NEBL: variants seen among roughly 807,000 people sequenced by gnomAD.
NEBL encodes the protein LIM and SH3 protein 2.
A neutral mutation model predicts 140.2 loss-of-function variants in NEBL; 122 were observed. The ratio of observed to expected loss-of-function variants is 0.87; its 90% CI spans 0.75 to 1.01. NEBL has a LOEUF of 1.01. Ranked by LOEUF, NEBL falls within the 50% of genes least tolerant of loss-of-function variation. The pLI is 0.00. For missense variants in NEBL, 1,365 were observed against 1,231.3 expected (o/e 1.11, Z -1.62); for synonymous variants, 436 against 398.9 (o/e 1.09, Z -1.11).
chr10:20,886,546 G>A lies in NEBL; in HGVS notation c.369+1551C>T, dbSNP rs185157977. On this transcript the variant is annotated intron_variant, in intron 4 of 27. Coordinates refer to ENST00000377122, the MANE Select transcript of NEBL (RefSeq NM_006393.3). ...TCCATCTTAAAAAAAGAAATTCTGG[G>A]GAAAGAAGTAAACTGCTTGCTTAAC... 2.2e-3 allele frequency among the ~76,000 whole-genome samples: 334 copies of A among 152,024 alleles called. 2 individuals carry two copies. Among genetic ancestry groups the A allele is most frequent in the Middle Eastern group, 0.01 (3 of 294 alleles).
At chr10:21,253,080 G>A (rs950997923) in intron 1 of NEBL, among the ~76,000 whole-genome samples, 3 of 152,150 alleles carry the variant, frequency 2.0e-5, no homozygotes, top group Non-Finnish European at 4.4e-5. Flanking sequence ...TGGCCAGCAT[G>A]GAGAAACCCC....
intron 3 of NEBL, among the ~76,000 whole-genome samples, chr10:21,220,909 GC>G (rs1190247696): frequency 1.3e-5 from 2 of 152,138 alleles, no homozygotes; most frequent in Non-Finnish European, 2.9e-5. Flanking sequence ...TAATCCCAGC[GC>G]TTTGGGAGGC....
chr10:21,014,360 T>C (rs1317251112), intron 3 of NEBL, among the ~76,000 whole-genome samples: 1 of 152,194 alleles, frequency 6.6e-6, no homozygotes, highest in Non-Finnish European at 1.5e-5. Context: ...GGGCCTCATC[T>C]GGTTTCACTC....
chr10:21,233,605 T>G lies in NEBL; in HGVS notation n.348+14316A>C, dbSNP rs1224869655. 3.4e-5 allele frequency among the ~76,000 whole-genome samples: 5 copies of G among 146,172 alleles called. 1 individual carries two copies. The highest frequency in any genetic ancestry group is 7.5e-5 in the Non-Finnish European group (5 of 67,000). ...ACATGTACATATTTATGTATCTATATATACATATATAGATATATATCTATA... is the reference window on the plus strand; with the variant it reads ...ACATGTACATATTTATGTATCTATAGATACATATATAGATATATATCTATA... On this transcript the variant is annotated intron_variant and non_coding_transcript_variant, in intron 3 of 8. Transcript: ENST00000675702.
intron 3 of NEBL, among the ~76,000 whole-genome samples, chr10:21,186,237 A>T (rs540389000): frequency 3.4e-4 from 51 of 149,976 alleles, no homozygotes; most frequent in African/African-American, 1.1e-3. Context: ...ATCCCTTTTT[A>T]AAAAATTTTT....
upstream of NEBL, among the ~76,000 whole-genome samples, chr10:21,177,987 G>T (rs1365154871): frequency 6.6e-6 from 1 of 152,104 alleles, no homozygotes; most frequent in Non-Finnish European, 1.5e-5. Context: ...GTTGTTCCTA[G>T]CTGACTCAAA....
intron 2 of NEBL, among the ~76,000 whole-genome samples, chr10:21,120,419 T>C (rs1450780880): frequency 7.7e-6 from 1 of 130,036 alleles, no homozygotes; most frequent in Non-Finnish European, 1.6e-5. Context: ...TATATATATA[T>C]ATATAAATTT....
intron 3 of NEBL, among the ~76,000 whole-genome samples, chr10:20,985,073 G>T (rs1363356972): frequency 6.6e-6 from 1 of 152,166 alleles, no homozygotes; most frequent in African/African-American, 2.4e-5. Context: ...GATTCTACAT[G>T]ATGCTGAGTT....
chr10:20,828,515 G>A lies in NEBL; in HGVS notation c.1776+15C>T, dbSNP rs373748632. ...ATTTCAAGGTGGCAACTTAAAAGAA[G>A]TAATGGCTACTCACCGCACTAATGT... On this transcript the variant is annotated intron_variant, in intron 17 of 27. Transcript: ENST00000377122. 1 of 1,514,512 alleles carries A rather than the reference G, an allele frequency of 6.6e-7. No homozygotes were observed. The highest frequency in any genetic ancestry group is 9.2e-7 in the Non-Finnish European group (1 of 1,090,150). The allele number at this position is 1,514,512 out of a possible 1,614,324, so 93.8% of individuals were successfully genotyped here.
At chr10:20,892,677 G>A (rs763953328) in intron 2 of NEBL, among the ~76,000 whole-genome samples, 59 of 152,116 alleles carry the variant, frequency 3.9e-4, no homozygotes, top group Non-Finnish European at 7.1e-4. Flanking sequence ...CAAATCCCAC[G>A]TCTCCATTAC....
intron 3 of NEBL, among the ~76,000 whole-genome samples, chr10:20,964,794 A>G (rs901618713): frequency 2.6e-5 from 4 of 152,144 alleles, no homozygotes; most frequent in African/African-American, 9.7e-5. Flanking sequence ...GAGGCAAGCA[A>G]AAGAGTGATT....
At chr10:20,816,434 G>T (rs570361302) in intron 21 of NEBL, among the ~76,000 whole-genome samples, 78 of 152,198 alleles carry the variant, frequency 5.1e-4, no homozygotes, top group African/African-American at 1.7e-3. Context: ...TAAAAAGCCA[G>T]CATGCTTCTC....
At chr10:21,186,352 G>A (rs928469725) in intron 3 of NEBL, among the ~76,000 whole-genome samples, 1 of 150,688 alleles carries the variant, frequency 6.6e-6, no homozygotes, top group African/African-American at 2.5e-5. Flanking sequence ...CTAAGATAAT[G>A]GTATTCGGAA....
At chr10:21,270,554 G>T (rs1842849722) in intron 1 of NEBL, among the ~76,000 whole-genome samples, 2 of 152,060 alleles carry the variant, frequency 1.3e-5, no homozygotes, top group African/African-American at 4.8e-5. Context: ...TTTTAGTAGA[G>T]ATGGGGTTTC....
intron 3 of NEBL, among the ~76,000 whole-genome samples, chr10:21,192,941 G>C (rs921536494): frequency 2.6e-5 from 4 of 152,040 alleles, no homozygotes; most frequent in African/African-American, 7.2e-5. Context: ...GACGTGATGA[G>C]AGTCCCTAGA....
intron 4 of NEBL, among the ~76,000 whole-genome samples, chr10:20,904,009 G>C (rs188191600): frequency 6.6e-6 from 1 of 150,602 alleles, no homozygotes; most frequent in Non-Finnish European, 1.5e-5. Flanking sequence ...AAAAACCATC[G>C]AAATAAAAAT....
chr10:20,796,367 GAAAAAAAAAAAAAAAA>G (rs57844177), intron 26 of NEBL, among the ~76,000 whole-genome samples: 2 of 51,500 alleles, frequency 3.9e-5, no homozygotes, highest in African/African-American at 1.4e-4. Flanking sequence ...TCTAAAACAA[GAAAAAAAAAAAAAAAA>G]AAAAAAAAAA....
chr10:20,934,562 C>T lies in NEBL; in HGVS notation c.357+27110G>A, dbSNP rs141432086. 2.6e-5 allele frequency among the ~76,000 whole-genome samples: 4 copies of T among 152,158 alleles called. No homozygotes were observed. In the East Asian group the frequency reaches 5.8e-4, roughly 22 times the overall value. On this transcript the variant is annotated intron_variant, in intron 4 of 6. Transcript: ENST00000417816. ...GAAACCCGTGCTATCCACGATGGGCCCGCTCTTTGCCTGACTGCACACCAG... is the reference window on the plus strand; with the variant it reads ...GAAACCCGTGCTATCCACGATGGGCTCGCTCTTTGCCTGACTGCACACCAG...
chr10:21,092,666 G>A (rs1836976607), intron 2 of NEBL, among the ~76,000 whole-genome samples: 1 of 151,068 alleles, frequency 6.6e-6, no homozygotes, highest in African/African-American at 2.4e-5. Context: ...AGTTCCTTTA[G>A]TAGCCAACAG....
Sources: allele counts gnomAD v4.1 joint callset (sites outside exome capture counted in the v4.1 genomes callset), GRCh38; gene constraint gnomAD v4.1.1; transcripts MANE v1.5; gene names NCBI Gene and HGNC (gene_info 2026-07-23, HGNC 2026-07-21).